The following DNAH9 variants were observed in gnomAD, a reference collection of about 807,000 sequenced individuals.
DNAH9 encodes dynein axonemal heavy chain 9.
In DNAH9, 345 loss-of-function variants were observed where a neutral mutation model predicts 471.6. The ratio of observed to expected loss-of-function variants is 0.73; its 90% CI spans 0.67 to 0.80. The LOEUF (loss-of-function observed/expected upper bound fraction) is 0.80. Ranked by LOEUF, DNAH9 falls within the 30% of genes least tolerant of loss-of-function variation. DNAH9 has a pLI of 0.00. For synonymous variants in DNAH9, 2,093 were observed against 2,123.6 expected (o/e 0.99, Z 0.40); for missense variants, 5,407 against 5,609.2 (o/e 0.96, Z 1.15).
At chr17:11,913,578 C>T (rs1309144242) in intron 61 of DNAH9, among the ~76,000 whole-genome samples, 2 of 151,980 alleles carry the variant, frequency 1.3e-5, no homozygotes, top group African/African-American at 2.4e-5. Context: ...GTCAGGAGAT[C>T]GAGACCATCC....
chr17:11,964,931 T>C (rs756262688), intron 68 of DNAH9, among the ~76,000 whole-genome samples: 4 of 151,970 alleles, frequency 2.6e-5, no homozygotes, highest in Non-Finnish European at 5.9e-5. Context: ...CTCACCTGAG[T>C]TGGAACTCAC....
At chr17:11,624,463 C>T (rs1236214038) in intron 6 of DNAH9, among the ~76,000 whole-genome samples, 1 of 151,816 alleles carries the variant, frequency 6.6e-6, no homozygotes, top group East Asian at 1.9e-4. Flanking sequence ...GAGCCGAGAT[C>T]GTGCCACAGC....
rs138203773 is a variant in DNAH9 at position 11,684,392 on chromosome 17, G to A, written c.3743+3503G>A. Among the ~76,000 whole-genome samples the A allele has an allele frequency of 3.1e-3, 477 of 152,016 alleles. 1 individual carries two copies. The highest frequency in any genetic ancestry group is 5.2e-3 in the Non-Finnish European group (355 of 67,988). On this transcript the variant is annotated intron_variant, in intron 19 of 68. Transcript: ENST00000262442. ...ACTCTAAATTATAACACCATATTTC[G>A]GTGAGAGCCGAGCTCTCACCACAGT...
chr17:11,608,303 G>A lies in DNAH9; in HGVS notation c.592G>A (p.Ala198Thr). The A allele has an allele frequency of 6.2e-7, 1 of 1,610,574 alleles. No homozygotes were observed. Residue 198 changes from alanine (A) to threonine (T), a missense_variant, in exon 2 of 69, where the codon GCG (alanine) becomes ACG (threonine). Physicochemically the swap from Ala to Thr is moderately conservative, Grantham distance 58. Transcript: ENST00000262442. ...LPAGSEKMEF[A>T]DSKSETVLDS... ...AGCAGGCTCAGAAAAAATGGAGTTT[G>A]CGGATTCCAAAAGTGAGACAGTGTA...
intron 65 of DNAH9, among the ~76,000 whole-genome samples, chr17:11,934,642 C>T (rs1288461119): frequency 2.0e-5 from 3 of 151,770 alleles, no homozygotes; most frequent in Non-Finnish European, 2.9e-5. Context: ...TTAGTAGAGA[C>T]GGGGTTTCAC....
intron 67 of DNAH9, among the ~76,000 whole-genome samples, chr17:11,948,050 C>T (rs1192695742): frequency 1.3e-5 from 2 of 151,548 alleles, no homozygotes; most frequent in Admixed American, 6.6e-5. Context: ...CAGGTGTGAG[C>T]CACCACGCCT....
At chr17:11,856,450 A>C (rs1003741579) in intron 50 of DNAH9, among the ~76,000 whole-genome samples, 1 of 151,986 alleles carries the variant, frequency 6.6e-6, no homozygotes, top group African/African-American at 2.4e-5. Context: ...CTGTAATCCC[A>C]GCACTTTGGG....
Position 11,629,548 on chromosome 17 carries a change from A to G in DNAH9, c.1482A>G (p.Ser494=), listed in dbSNP as rs760092268. The G allele has an allele frequency of 6.2e-7, 1 of 1,614,100 alleles. No homozygotes were observed. The highest frequency in any genetic ancestry group is 1.3e-5 in the African/African-American group (1 of 75,050). ...EEFQEMYRLL[S]GSSSDCLYLQ... is the part of the protein sequence containing the mutation. ...TTCAAGAGATGTACAGGCTTCTCTC[A>G]GGATCCTCCTCCGACTGCCTGTACC... The change falls in exon 7 of 69, where the codon TCA becomes TCG. Residue 494 remains serine (S), a synonymous_variant. Transcript: ENST00000262442.
chr17:11,865,055 A>T (rs376531595), intron 50 of DNAH9, among the ~76,000 whole-genome samples: 1 of 151,956 alleles, frequency 6.6e-6, no homozygotes, highest in African/African-American at 2.4e-5. Context: ...GTGAATTTGA[A>T]CCTGTCATTA....
intron 43 of DNAH9, among the ~76,000 whole-genome samples, chr17:11,806,288 C>T (rs1969679508): frequency 6.6e-6 from 1 of 152,160 alleles, no homozygotes; most frequent in African/African-American, 2.4e-5. Flanking sequence ...TAAAGACTGT[C>T]TTACTGTTTG....
In DNAH9 at chr17:11,844,468, C is replaced by T. The variant is rs190846629; in HGVS notation, c.9508-9535C>T. Among the ~76,000 whole-genome samples the T allele has an allele frequency of 3.3e-3, 500 of 152,196 alleles. 3 individuals carry two copies. The highest frequency in any genetic ancestry group is 4.7e-3 in the Non-Finnish European group (318 of 68,010). ...TCACCCAGGCTGGAGTGCAATGGAG[C>T]GATCTCGGCTCACTGCAACTTCCAC... On this transcript the variant is annotated intron_variant, in intron 49 of 68. Transcript: ENST00000262442.
intron 12 of DNAH9, among the ~76,000 whole-genome samples, chr17:11,649,629 A>G (rs2073462337): frequency 6.6e-6 from 1 of 152,206 alleles, no homozygotes; most frequent in Non-Finnish European, 1.5e-5. Context: ...TGTTCTTTAG[A>G]AAGATGAAAC....
chr17:11,797,806 C>T lies in DNAH9; in HGVS notation c.8420+13C>T. ...CCATGCGCCATGTGTAAGTGTGCTT[C>T]TCCTCTTCCTTTTCCTCAGTTGCTT... is the stretch of plus-strand genomic sequence containing the variant. On this transcript the variant is annotated intron_variant, in intron 43 of 68. Transcript: ENST00000262442. 1.2e-6 allele frequency: 2 copies of T among 1,606,208 alleles called. No homozygotes were observed.
rs528648485 is a variant in DNAH9 at position 11,897,082 on chromosome 17, C to T, written c.11406+2586C>T. On this transcript the variant is annotated intron_variant, in intron 59 of 68. Transcript: ENST00000262442. ...AGCCTGGATGGCAAGAGTAAAACTC[C>T]GTTTCAAAAAAATGGATAAAATTAA... 3.9e-5 allele frequency among the ~76,000 whole-genome samples: 6 copies of T among 152,098 alleles called. No homozygotes were observed. In the East Asian group the frequency reaches 1.2e-3, roughly 29 times the overall value.
intron 38 of DNAH9, 37 bp downstream of exon 38, chr17:11,769,366 G>C: frequency 1.3e-6 from 2 of 1,556,060 alleles, no homozygotes; most frequent in East Asian, 4.7e-5. Context: ...GGGGGCATCT[G>C]GGTGGCCGTG....
In DNAH9 at chr17:11,739,069, C is replaced by A. The variant is rs368192052; in HGVS notation, c.5972+32C>A. On this transcript the variant is annotated intron_variant, in intron 29 of 68. Transcript: ENST00000262442. ...GTCAGTTCTGCCCCATGCAAAAGCC[C>A]CAAAAGAGAAGTTTCTTTCATTTTT... is the stretch of plus-strand genomic sequence containing the variant. The A allele has an allele frequency of 2.5e-5, 38 of 1,509,516 alleles. No individual in the cohort carries two copies. In the African/African-American group the frequency reaches 5.0e-4, roughly 20 times the overall value. 93.5% of individuals were successfully genotyped at this position (1,509,516 alleles called of 1,614,324 possible).
At chr17:11,762,065 G>A (rs1004248527) in intron 35 of DNAH9, among the ~76,000 whole-genome samples, 2 of 152,166 alleles carry the variant, frequency 1.3e-5, no homozygotes, top group African/African-American at 4.8e-5. Context: ...TCAAACAAAT[G>A]AGGGAACACC....
Position 11,875,083 on chromosome 17 carries a change from T to C in DNAH9, c.10377T>C (p.Cys3459=), listed in dbSNP as rs763116061. 2 of 1,614,024 alleles carry C rather than the reference T, an allele frequency of 1.2e-6. No individual in the cohort carries two copies. Among genetic ancestry groups the C allele is most frequent in the African/African-American group, 1.3e-5 (1 of 74,906 alleles). ...AGAATGCCACCATTCTCATCAACTG[T>C]GAGCGCTGGCCACTCATGGTTGACC... ...SVENATILIN[C]ERWPLMVDPQ... The change falls in exon 53 of 69, where the codon TGT becomes TGC. Residue 3459 remains cysteine, a synonymous_variant. Coordinates refer to ENST00000262442, the MANE Select transcript of DNAH9 (RefSeq NM_001372.4).
intron 67 of DNAH9, among the ~76,000 whole-genome samples, chr17:11,947,771 TA>T (rs1478444593): frequency 1.1e-4 from 10 of 90,248 alleles, no homozygotes; most frequent in Admixed American, 4.7e-4. Flanking sequence ...GGCTGGGAAC[TA>T]TTTTTTTTTT....
Sources: gnomAD v4.1 joint callset for allele counts (sites outside exome capture counted in the v4.1 genomes callset) on GRCh38, gnomAD v4.1.1 for gene constraint, MANE v1.5 for transcripts, NCBI Gene and HGNC (gene_info 2026-07-23, HGNC 2026-07-21) for gene names.